Variants in OTUD7A observed in about 807,000 individuals in gnomAD.
OTUD7A encodes OTU deubiquitinase 7A.
In OTUD7A, 12 loss-of-function variants were observed where a neutral mutation model predicts 65.7. The observed-to-expected ratio is 0.18, with a 90% CI of 0.12 to 0.30. The LOEUF (loss-of-function observed/expected upper bound fraction) is 0.30, where lower values mean the gene tolerates loss of function less well. OTUD7A is among the 10% of genes least tolerant of loss of function. The pLI, the probability that OTUD7A is intolerant of heterozygous loss-of-function variation, is 1.00. For synonymous variants in OTUD7A, 641 were observed against 586.3 expected (o/e 1.09, Z -1.35); for missense variants, 1,148 against 1,304.8 (o/e 0.88, Z 1.85).
At chr15:31,792,481 C>G (rs1182192007) in intron 1 of OTUD7A, among the ~76,000 whole-genome samples, 1 of 152,120 alleles carries the variant, frequency 6.6e-6, no homozygotes, top group East Asian at 1.9e-4. Context: ...CTGACTTGGG[C>G]CAGCTTGTTC....
chr15:31,524,061 C>T (rs1402042562), intron 8 of OTUD7A, among the ~76,000 whole-genome samples: 1 of 152,046 alleles, frequency 6.6e-6, no homozygotes, highest in African/African-American at 2.4e-5. Flanking sequence ...CCAGGTAACC[C>T]AAGGAGGCAT....
chr15:31,614,327 G>A (rs939388154), intron 3 of OTUD7A, among the ~76,000 whole-genome samples: 3 of 151,938 alleles, frequency 2.0e-5, no homozygotes, highest in African/African-American at 7.3e-5. Context: ...CAATGACTGA[G>A]AATTTTCTAA....
intron 1 of OTUD7A, among the ~76,000 whole-genome samples, chr15:31,786,175 C>A (rs750420618): frequency 5.9e-5 from 9 of 152,172 alleles, no homozygotes; most frequent in Admixed American, 2.6e-4. Flanking sequence ...AGCTCTTCAA[C>A]CTTGGACTTC....
chr15:31,573,982 C>A (rs370255361), intron 3 of OTUD7A, among the ~76,000 whole-genome samples: 4 of 151,972 alleles, frequency 2.6e-5, no homozygotes, highest in South Asian at 4.2e-4. Flanking sequence ...AGTAGAAGGG[C>A]AAACAATAAG....
chr15:31,682,452 T>C (rs1892739982), intron 1 of OTUD7A, among the ~76,000 whole-genome samples: 1 of 152,136 alleles, frequency 6.6e-6, no homozygotes, highest in African/African-American at 2.4e-5. Context: ...AGAAAAAAGT[T>C]AGAGGACTCG....
At chr15:31,853,418 G>A (rs1897480703) in intron 1 of OTUD7A, among the ~76,000 whole-genome samples, 1 of 152,166 alleles carries the variant, frequency 6.6e-6, no homozygotes, top group Non-Finnish European at 1.5e-5. Context: ...ACAAATCAAG[G>A]AGACAGACAC....
intron 3 of OTUD7A, among the ~76,000 whole-genome samples, chr15:31,573,880 G>A (rs185001944): frequency 3.9e-5 from 6 of 152,194 alleles, no homozygotes; most frequent in African/African-American, 1.2e-4. Context: ...CAGCCTGGGC[G>A]ACAGAGCAAG....
intron 1 of OTUD7A, among the ~76,000 whole-genome samples, chr15:31,839,801 G>C (rs1897141769): frequency 2.0e-5 from 3 of 152,166 alleles, no homozygotes; most frequent in Non-Finnish European, 4.4e-5. Flanking sequence ...TTGGGACTAA[G>C]TTGGGATATA....
chr15:31,537,745 G>A (rs116500675), intron 5 of OTUD7A, among the ~76,000 whole-genome samples: 86 of 152,318 alleles, frequency 5.6e-4, no homozygotes, highest in African/African-American at 1.9e-3. Flanking sequence ...CTGGAAATCC[G>A]ACACATTTGA....
At chr15:31,608,661 G>A (rs1890306842) in intron 3 of OTUD7A, among the ~76,000 whole-genome samples, 1 of 152,224 alleles carries the variant, frequency 6.6e-6, no homozygotes, top group Admixed American at 6.5e-5. Context: ...ACTATCATAA[G>A]TCAGTGACCA....
intron 3 of OTUD7A, among the ~76,000 whole-genome samples, chr15:31,586,806 GGAT>G (rs1162949971): frequency 6.6e-6 from 1 of 151,922 alleles, no homozygotes; most frequent in African/African-American, 2.4e-5. Flanking sequence ...TTGGCATCTG[GGAT>G]GCCACATTCC....
At chr15:31,785,263 T>C (rs1206150775) in intron 1 of OTUD7A, among the ~76,000 whole-genome samples, 2 of 152,236 alleles carry the variant, frequency 1.3e-5, no homozygotes, top group Non-Finnish European at 2.9e-5. Context: ...CCTGTAAGTA[T>C]GCATTGATAC....
intron 1 of OTUD7A, among the ~76,000 whole-genome samples, chr15:31,691,121 C>G (rs1055305482): frequency 1.3e-5 from 2 of 152,114 alleles, no homozygotes; most frequent in Non-Finnish European, 2.9e-5. Context: ...ATATCCCATG[C>G]TCATGGATTA....
intron 4 of OTUD7A, among the ~76,000 whole-genome samples, chr15:31,569,477 C>T (rs1888978601): frequency 6.6e-6 from 1 of 152,218 alleles, no homozygotes. Context: ...GCAAGAGGAG[C>T]AGGAGGAGAC....
At chr15:31,525,467 G>T (rs2041998127) in intron 8 of OTUD7A, among the ~76,000 whole-genome samples, 1 of 152,224 alleles carries the variant, frequency 6.6e-6, no homozygotes, top group South Asian at 2.1e-4. Context: ...TTTCCAGCCG[G>T]GGCCTCCAGG....
intron 1 of OTUD7A, among the ~76,000 whole-genome samples, chr15:31,763,499 G>T (rs1895025608): frequency 6.6e-6 from 1 of 152,058 alleles, no homozygotes; most frequent in Admixed American, 6.6e-5. Flanking sequence ...TGGAACATCG[G>T]AGAGAAAAAA....
At chr15:31,592,905 ATATATATATAT>A (rs1192168935) in intron 3 of OTUD7A, among the ~76,000 whole-genome samples, 4,639 of 31,828 alleles carry the variant, frequency 0.15, 491 homozygotes, top group East Asian at 0.28. Flanking sequence ...AAAAAAAAAA[ATATATATATAT>A]ATATATATAT....
intron 3 of OTUD7A, among the ~76,000 whole-genome samples, chr15:31,600,734 C>T (rs1566938173): frequency 6.6e-6 from 1 of 152,108 alleles, no homozygotes; most frequent in Non-Finnish European, 1.5e-5. Flanking sequence ...TGCAAAGACA[C>T]ACACAGACTC....
chr15:31,738,661 C>T (rs1894257357), intron 1 of OTUD7A, among the ~76,000 whole-genome samples: 1 of 152,198 alleles, frequency 6.6e-6, no homozygotes, highest in Non-Finnish European at 1.5e-5. Context: ...GCACACGCTG[C>T]TCCTCTGCAG....
Sources: allele counts gnomAD v4.1 joint callset (sites outside exome capture counted in the v4.1 genomes callset), GRCh38; gene constraint gnomAD v4.1.1; transcripts MANE v1.5; gene names NCBI Gene and HGNC (gene_info 2026-07-23, HGNC 2026-07-21).